The following TC2N variants were observed in gnomAD, a reference collection of about 807,000 sequenced individuals.
The protein encoded by TC2N is tandem C2 domains, nuclear, also known as tandem C2 domains nuclear protein.
A neutral mutation model predicts 61.9 loss-of-function variants in TC2N; 51 were observed. That is an observed-to-expected ratio of 0.82 (90% CI 0.66 to 1.04). The LOEUF (loss-of-function observed/expected upper bound fraction) is 1.04. Ranked by LOEUF, TC2N falls within the 50% of genes least tolerant of loss-of-function variation. The pLI is 0.00. For missense variants in TC2N, 556 were observed against 566.7 expected (o/e 0.98, Z 0.19); for synonymous variants, 204 against 192.6 (o/e 1.06, Z -0.49).
At chr14:91,792,803 C>G (rs1885724707) in intron 8 of TC2N, among the ~76,000 whole-genome samples, 2 of 152,132 alleles carry the variant, frequency 1.3e-5, no homozygotes, top group South Asian at 4.1e-4. Context: ...CATATTAACA[C>G]CATGCTCACC....
Position 91,799,077 on chromosome 14 carries a change from T to C in TC2N, c.562-13A>G. ...ATGAATCATGTCTCTATAAATAAAA[T>C]TATTCTTTAGTCAGAAATTGCATAT... On this transcript the variant is annotated splice_polypyrimidine_tract_variant and intron_variant, in intron 5 of 11. Coordinates refer to ENST00000435962, the MANE Select transcript of TC2N (RefSeq NM_001128596.3). 6.5e-7 allele frequency: 1 copy of C among 1,544,022 alleles called. No individual in the cohort carries two copies.
chr14:91,794,392 C>G (rs567356923), intron 8 of TC2N, among the ~76,000 whole-genome samples: 49 of 152,294 alleles, frequency 3.2e-4, no homozygotes, highest in African/African-American at 1.1e-3. Context: ...GTAGGACTTT[C>G]ACAGTTATGG....
At chr14:91,784,963 C>A (rs1885292368) in intron 11 of TC2N, among the ~76,000 whole-genome samples, 199 bp downstream of exon 11, 1 of 152,054 alleles carries the variant, frequency 6.6e-6, no homozygotes, top group Non-Finnish European at 1.5e-5. Flanking sequence ...TAAAGATAAA[C>A]CTGATTGCTC....
chr14:91,786,731 T>C (rs77759782), intron 10 of TC2N, among the ~76,000 whole-genome samples: 2,432 of 152,334 alleles, frequency 0.016, 30 homozygotes, highest in Non-Finnish European at 0.025. Context: ...CAGAATATCA[T>C]TCATGTTTTC....
intron 8 of TC2N, 61 bp downstream of exon 8, chr14:91,797,724 A>C (rs74650297): frequency 0.097 from 102,991 of 1,058,446 alleles, 6,195 homozygotes; most frequent in South Asian, 0.22. Flanking sequence ...ACATGGGTAA[A>C]AGTGACAAAT....
In TC2N at chr14:91,856,442, G is replaced by A. The variant is rs11849558; in HGVS notation, c.-57+10820C>T. ...GAAGTAGTTGCAGTGAGGTGAGATC[G>A]TGCCATTGCACTCCAGCCTGGGTGA... On this transcript the variant is annotated intron_variant, in intron 1 of 11. Transcript: ENST00000435962. Among the ~76,000 whole-genome samples, 666 of 150,994 alleles carry A rather than the reference G, an allele frequency of 4.4e-3. 4 individuals are homozygous for A. Among genetic ancestry groups the A allele is most frequent in the African/African-American group, 0.015 (627 of 41,022 alleles).
chr14:91,806,064 G>GT (rs1002063292), intron 3 of TC2N, among the ~76,000 whole-genome samples: 152 of 152,130 alleles, frequency 1.0e-3, no homozygotes, highest in African/African-American at 3.5e-3. Context: ...AGATCTGATG[G>GT]TTTTTTTAAA....
chr14:91,802,322 T>C lies in TC2N; in HGVS notation c.401A>G (p.Gln134Arg). 1 of 1,609,482 alleles carries C rather than the reference T, an allele frequency of 6.2e-7. No individual in the cohort carries two copies. The highest frequency in any genetic ancestry group is 8.5e-7 in the Non-Finnish European group (1 of 1,178,510). ...YDVYNPFYMY[Q>R]HISPDLSRRF... The stretch of plus-strand genomic sequence containing the variant: ...TCGACTCAAATCAGGTGAAATGTGC[T>C]GATACATATAGAATGGGTTATACAC... The change falls in exon 4 of 12, where the codon CAG becomes CGG. Residue 134 changes from glutamine (Q) to arginine (R), a missense_variant. Physicochemically the swap from Gln to Arg is conservative, Grantham distance 43 (BLOSUM62 1). Transcript: ENST00000435962.
chr14:91,800,494 T>TA (rs896568066), intron 4 of TC2N, 122 bp from the exon 5 acceptor site: 118 of 462,142 alleles, frequency 2.6e-4, no homozygotes, highest in Admixed American at 1.4e-3. Context: ...ACAGAAGAGA[T>TA]AAAGCCTTCT....
At chr14:91,850,932 GA>G (rs1346693823) in intron 1 of TC2N, among the ~76,000 whole-genome samples, 1 of 151,298 alleles carries the variant, frequency 6.6e-6, no homozygotes, top group Non-Finnish European at 1.5e-5. Flanking sequence ...CTCCATCTTG[GA>G]AAAAAAAGAA....
intron 1 of TC2N, among the ~76,000 whole-genome samples, chr14:91,834,491 C>G (rs1028443531): frequency 3.3e-5 from 5 of 151,870 alleles, no homozygotes; most frequent in Non-Finnish European, 7.4e-5. Context: ...TAATCATCTC[C>G]CTAATCAATG....
At chr14:91,810,868 GA>G (rs145368390) in intron 3 of TC2N, among the ~76,000 whole-genome samples, 11 of 145,998 alleles carry the variant, frequency 7.5e-5, no homozygotes, top group East Asian at 6.0e-4. Flanking sequence ...AAAGATACTT[GA>G]AAAAAAAAAG....
intron 1 of TC2N, among the ~76,000 whole-genome samples, 194 bp downstream of exon 1, chr14:91,867,068 T>C (rs1888717863): frequency 8.4e-6 from 1 of 119,178 alleles, no homozygotes; most frequent in African/African-American, 3.1e-5. Context: ...AAGAAGCCCT[T>C]GGAGGCTGCT....
intron 1 of TC2N, among the ~76,000 whole-genome samples, chr14:91,827,936 T>G (rs1371232318): frequency 6.6e-6 from 1 of 152,204 alleles, no homozygotes; most frequent in Non-Finnish European, 1.5e-5. Context: ...CATATTTTGA[T>G]TCTATCTTGT....
chr14:91,866,351 C>T (rs1595283826), intron 1 of TC2N: 1 of 152,178 alleles, frequency 6.6e-6, no homozygotes, highest in African/African-American at 2.4e-5. Context: ...GCCTGAGAGG[C>T]AACAGGTAGG....
chr14:91,852,695 A>G, intron 1 of TC2N, among the ~76,000 whole-genome samples: 1 of 152,202 alleles, frequency 6.6e-6, no homozygotes. Context: ...TTTGCATGAC[A>G]TGTTTGAGGA....
rs146216998 is a variant in TC2N at position 91,785,353 on chromosome 14, C to T, written c.1171G>A (p.Val391Met). Reference sequence around the variant, plus strand: ...CCCGAGCTAAACATTCCCACCTTCACGAAAAAACCTAAAAAATTAGAAATA... The same window carrying T: ...CCCGAGCTAAACATTCCCACCTTCATGAAAAAACCTAAAAAATTAGAAATA... ...SSTPLTLSFF[V>M]KVGMFSSGEL... Residue 391 changes from valine (V) to methionine (M), a missense_variant, in exon 11 of 12, where the codon GTG becomes ATG. By Grantham distance (21) the Val-to-Met change is conservative. Coordinates refer to ENST00000435962, the MANE Select transcript of TC2N (RefSeq NM_001128596.3). 9.3e-6 allele frequency: 15 copies of T among 1,610,780 alleles called. No individual in the cohort carries two copies. Among genetic ancestry groups the T allele is most frequent in the South Asian group, 2.2e-5 (2 of 90,404 alleles).
intron 6 of TC2N, among the ~76,000 whole-genome samples, chr14:91,798,759 T>A (rs1474242709): frequency 6.6e-6 from 1 of 152,006 alleles, no homozygotes; most frequent in Non-Finnish European, 1.5e-5. Flanking sequence ...AACTGCTTCA[T>A]CACTTTTTAA....
rs1185742369 is a variant in TC2N, at chr14:91,787,602, C to T, written c.1073G>A (p.Gly358Glu). Residue 358 changes from glycine (G) to glutamate (E), a missense_variant, in exon 10 of 12, where the codon GGG becomes GAG. By Grantham distance (98) the Gly-to-Glu change is moderately conservative (BLOSUM62 -2). Coordinates refer to ENST00000435962, the MANE Select transcript of TC2N (RefSeq NM_001128596.3). Reference sequence around the variant, plus strand: ...GCTATTTACTGCTTGAAAACAAGTCCCCAATTCAAGTTCTGCATGGCAAAC... The same window carrying T: ...GCTATTTACTGCTTGAAAACAAGTCTCCAATTCAAGTTCTGCATGGCAAAC... ...ISVCHAELEL[G>E]TCFQAVNSRI... is the part of the protein sequence containing the mutation. The T allele has an allele frequency of 1.9e-6, 3 of 1,610,778 alleles. No individual in the cohort carries two copies. Among genetic ancestry groups the T allele is most frequent in the South Asian group, 2.2e-5 (2 of 90,430 alleles).
Sources: gnomAD v4.1 joint callset for allele counts (sites outside exome capture counted in the v4.1 genomes callset) on GRCh38, gnomAD v4.1.1 for gene constraint, MANE v1.5 for transcripts, NCBI Gene and HGNC (gene_info 2026-07-23, HGNC 2026-07-21) for gene names.